ATP10A: variants seen among roughly 807,000 people sequenced by gnomAD.
The protein encoded by ATP10A is ATPase phospholipid transporting 10A (putative), also known as phospholipid-transporting ATPase VA.
Under a neutral mutation model 147.8 loss-of-function variants are expected in ATP10A, and 111 were observed. The observed-to-expected ratio is 0.75, with a 90% CI of 0.64 to 0.88. The LOEUF is 0.88. Ranked by LOEUF, ATP10A falls within the 40% of genes least tolerant of loss-of-function variation. The probability of loss-of-function intolerance (pLI) is 0.00; values close to 1 mark genes in which losing one functional copy is unlikely to be tolerated. For missense variants in ATP10A, 1,927 were observed against 1,959.0 expected (o/e 0.98, Z 0.31); for synonymous variants, 875 against 841.6 (o/e 1.04, Z -0.69).
intron 9 of ATP10A, among the ~76,000 whole-genome samples, chr15:25,716,152 C>T (rs1901791670): frequency 6.6e-6 from 1 of 152,250 alleles, no homozygotes; most frequent in Non-Finnish European, 1.5e-5. Context: ...ATAAATCCTC[C>T]CCATGGCCCC....
intron 2 of ATP10A, among the ~76,000 whole-genome samples, chr15:25,756,640 C>T: frequency 1.6e-5 from 1 of 60,956 alleles, no homozygotes; most frequent in Non-Finnish European, 4.5e-5. Context: ...AAGACTCCAT[C>T]TCAAATAAAA....
In ATP10A at chr15:25,713,723, G is replaced by A. The variant is rs1269391983; in HGVS notation, c.2295C>T (p.Thr765=). 1 of 1,614,010 alleles carries A rather than the reference G, an allele frequency of 6.2e-7. No individual in the cohort carries two copies. The highest frequency in any genetic ancestry group is 8.5e-7 in the Non-Finnish European group (1 of 1,180,046). Residue 765 remains threonine, a synonymous_variant, in exon 10 of 21, where the codon ACC becomes ACT. Transcript: ENST00000555815. The part of the protein sequence containing the change: ...HPLTDEINVY[T]KGADSVVMDL... ...CCATGACCACTGAGTCGGCCCCCTT[G>A]GTGTAGACGTTGATCTCATCGGTAA...
intron 9 of ATP10A, among the ~76,000 whole-genome samples, chr15:25,714,963 T>TACACAC (rs1275069986): frequency 4.8e-5 from 6 of 123,882 alleles, no homozygotes; most frequent in African/African-American, 2.2e-4. Context: ...GAATGACACA[T>TACACAC]ATACACACAC....
At chr15:25,747,875 T>C (rs1887928748) in intron 2 of ATP10A, among the ~76,000 whole-genome samples, 1 of 152,220 alleles carries the variant, frequency 6.6e-6, no homozygotes. Context: ...TAATTTATTT[T>C]ATGAAGCTGG....
At chr15:25,797,266 G>A (rs1056038099) in intron 1 of ATP10A, among the ~76,000 whole-genome samples, 4 of 152,142 alleles carry the variant, frequency 2.6e-5, no homozygotes, top group African/African-American at 9.7e-5. Context: ...TGTTCTCCAG[G>A]TTCATCTGTG....
At chr15:25,731,727 A>G (rs1488354779) in intron 3 of ATP10A, among the ~76,000 whole-genome samples, 1 of 152,204 alleles carries the variant, frequency 6.6e-6, no homozygotes, top group East Asian at 1.9e-4. Flanking sequence ...GCTTAACTAT[A>G]TGAGGATCCT....
intron 2 of ATP10A, among the ~76,000 whole-genome samples, chr15:25,739,896 CT>C (rs1361814078): frequency 6.6e-6 from 1 of 152,214 alleles, no homozygotes; most frequent in African/African-American, 2.4e-5. Context: ...AGCCCTGCCC[CT>C]GAACTTGCGT....
At chr15:25,682,175 C>A (rs1899456633) in intron 17 of ATP10A, among the ~76,000 whole-genome samples, 1 of 151,894 alleles carries the variant, frequency 6.6e-6, no homozygotes, top group African/African-American at 2.4e-5. Context: ...AGTTTGAGCC[C>A]TTCTATTCCT....
intron 1 of ATP10A, among the ~76,000 whole-genome samples, chr15:25,836,664 C>A (rs1354451492): frequency 1.3e-5 from 2 of 152,216 alleles, no homozygotes; most frequent in Non-Finnish European, 2.9e-5. Context: ...CTACCTCTAG[C>A]AAACACACAC....
intron 2 of ATP10A, among the ~76,000 whole-genome samples, chr15:25,775,821 T>C (rs1359578871): frequency 6.6e-6 from 1 of 152,196 alleles, no homozygotes; most frequent in Non-Finnish European, 1.5e-5. Flanking sequence ...CACTGACGTG[T>C]CCTCTGGGTC....
Position 25,835,786 on chromosome 15 carries a change from C to G in ATP10A, c.449+26862G>C, listed in dbSNP as rs552308547. On this transcript the variant is annotated intron_variant, in intron 1 of 20. Coordinates refer to ENST00000555815, the MANE Select transcript of ATP10A (RefSeq NM_024490.4). The stretch of plus-strand genomic sequence containing the variant: ...AGCTGGAATTACAAGCTCGTGCCAC[C>G]ACGCCCAGCTAATTTTTTATTTTAT... Among the ~76,000 whole-genome samples, 6 of 152,298 alleles carry G rather than the reference C, an allele frequency of 3.9e-5. No homozygotes were observed. In the South Asian group the frequency reaches 1.2e-3, roughly 32 times the overall value.
chr15:25,688,041 G>T, intron 15 of ATP10A: 1 of 605,512 alleles, frequency 1.7e-6, no homozygotes, highest in South Asian at 1.9e-5. Context: ...GCTAGTTCAG[G>T]GATGTCACCT....
At chr15:25,863,441 G>C (rs1893870001), upstream of ATP10A, among the ~76,000 whole-genome samples, 1 of 152,174 alleles carries the variant, frequency 6.6e-6, no homozygotes, top group African/African-American at 2.4e-5. Flanking sequence ...GGGCCACGCC[G>C]GATAGCGGGA....
intron 13 of ATP10A, among the ~76,000 whole-genome samples, chr15:25,701,615 G>A (rs1487740708): frequency 2.6e-5 from 4 of 152,208 alleles, no homozygotes; most frequent in Non-Finnish European, 4.4e-5. Context: ...CACTGCCCTG[G>A]CTCCACTGTG....
chr15:25,728,376 T>G (rs114065365), intron 3 of ATP10A, among the ~76,000 whole-genome samples: 13,536 of 152,248 alleles, frequency 0.089, 706 homozygotes, highest in Non-Finnish European at 0.11. Context: ...GCAGACACAG[T>G]GGGGCCACTC....
intron 2 of ATP10A, among the ~76,000 whole-genome samples, chr15:25,740,831 C>T (rs1887545491): frequency 6.6e-6 from 1 of 152,196 alleles, no homozygotes; most frequent in African/African-American, 2.4e-5. Context: ...CTACAGAATG[C>T]AATCCTCATC....
intron 1 of ATP10A, among the ~76,000 whole-genome samples, chr15:25,817,611 C>A (rs938011096): frequency 6.6e-6 from 1 of 152,146 alleles, no homozygotes; most frequent in Non-Finnish European, 1.5e-5. Context: ...TGCTCAAATG[C>A]ACACAAATTA....
chr15:25,816,471 T>C (rs1361526456), intron 1 of ATP10A, among the ~76,000 whole-genome samples: 1 of 152,200 alleles, frequency 6.6e-6, no homozygotes, highest in Non-Finnish European at 1.5e-5. Flanking sequence ...GTTCTACATA[T>C]GATATAAATT....
intron 2 of ATP10A, among the ~76,000 whole-genome samples, chr15:25,751,925 C>T (rs1273411077): frequency 1.3e-5 from 2 of 152,128 alleles, no homozygotes; most frequent in Non-Finnish European, 2.9e-5. Flanking sequence ...CTCAACATCA[C>T]TAGTCATTAG....
Sources: allele counts gnomAD v4.1 joint callset (sites outside exome capture counted in the v4.1 genomes callset), GRCh38; gene constraint gnomAD v4.1.1; transcripts MANE v1.5; gene names NCBI Gene and HGNC (gene_info 2026-07-23, HGNC 2026-07-21).